PPP6C: variants seen among roughly 807,000 people sequenced by gnomAD.
PPP6C encodes the protein protein phosphatase 6 catalytic subunit, also known as serine/threonine-protein phosphatase 6 catalytic subunit.
Under a neutral mutation model 39.8 loss-of-function variants are expected in PPP6C, and 11 were observed. The observed-to-expected ratio is 0.28, with a 90% CI of 0.17 to 0.46. The LOEUF is 0.46. Among genes scored for constraint, PPP6C ranks in the 20% least tolerant of loss-of-function variants. The probability of loss-of-function intolerance (pLI) is 1.00; values close to 1 mark genes in which losing one functional copy is unlikely to be tolerated. For synonymous variants in PPP6C, 129 were observed against 130.3 expected, an observed-to-expected ratio of 0.99 and a Z score of 0.07; for missense variants, 211 against 373.9, an observed-to-expected ratio of 0.56 and a Z score of 3.59.
chr9:125,164,146 T>A (rs535154208), intron 2 of PPP6C, among the ~76,000 whole-genome samples: 13 of 150,250 alleles, frequency 8.7e-5, no homozygotes, highest in African/African-American at 2.4e-4. Flanking sequence ...CCTATTTTCA[T>A]CCTACATTAC....
chr9:125,186,159 C>T (rs1177259594), intron 1 of PPP6C, among the ~76,000 whole-genome samples: 1 of 152,032 alleles, frequency 6.6e-6, no homozygotes, highest in Non-Finnish European at 1.5e-5. Flanking sequence ...TCTTTTCCAT[C>T]TTGCTCATTA....
chr9:125,187,095 T>C (rs897652643), intron 1 of PPP6C, among the ~76,000 whole-genome samples: 1 of 150,788 alleles, frequency 6.6e-6, no homozygotes, highest in Non-Finnish European at 1.5e-5. Context: ...TCCAAGCACC[T>C]GCCACCACCT....
chr9:125,167,518 A>G (rs1160999796), intron 2 of PPP6C, among the ~76,000 whole-genome samples: 4 of 150,356 alleles, frequency 2.7e-5, no homozygotes, highest in Non-Finnish European at 4.4e-5. Flanking sequence ...CCTCAGCAAC[A>G]TGGAAAAACC....
chr9:125,171,834 G>A (rs1017733594), intron 1 of PPP6C: 24 of 452,710 alleles, frequency 5.3e-5, no homozygotes, highest in Admixed American at 5.2e-4. Flanking sequence ...GATTACAGGC[G>A]TCAGCCACCG....
chr9:125,175,347 T>C (rs749901511), intron 1 of PPP6C, among the ~76,000 whole-genome samples: 1 of 151,032 alleles, frequency 6.6e-6, no homozygotes, highest in Non-Finnish European at 1.5e-5. Context: ...CATTAGAAAT[T>C]ACCTACGCCG....
chr9:125,171,175 TA>T lies in PPP6C; in HGVS notation c.80del (p.Leu27HisfsTer10). ...KYLPENDLKRLCDYVCDLLLE... is the reference protein window; with the variant it reads ...KYLPENDLKRXCDYVCDLLLE... Reference sequence around the variant, plus strand: ...AGAGGAGGTCACAAACGTAGTCACATAGCCGCTATAAAAAGAGAAAATAAAA... The same window carrying T: ...AGAGGAGGTCACAAACGTAGTCACATGCCGCTATAAAAAGAGAAAATAAAA... On this transcript the variant is annotated frameshift_variant, in exon 2 of 7. Coordinates refer to ENST00000373547, the MANE Select transcript of PPP6C (RefSeq NM_002721.5). LOFTEE classifies it high-confidence loss of function. 1 of 1,573,292 alleles carries T rather than the reference TA, an allele frequency of 6.4e-7. No individual in the cohort carries two copies. The highest frequency in any genetic ancestry group is 8.7e-7 in the Non-Finnish European group (1 of 1,154,192).
At chr9:125,184,771 G>A (rs1233661648) in intron 1 of PPP6C, among the ~76,000 whole-genome samples, 1 of 151,804 alleles carries the variant, frequency 6.6e-6, no homozygotes, top group Non-Finnish European at 1.5e-5. Context: ...CCAGAAGTTC[G>A]AGACCAGCCT....
chr9:125,186,612 TG>T (rs1829535058), intron 1 of PPP6C, among the ~76,000 whole-genome samples: 1 of 151,670 alleles, frequency 6.6e-6, no homozygotes, highest in Non-Finnish European at 1.5e-5. Flanking sequence ...TAGCTGGTCA[TG>T]GGGGCATGTG....
At position 125,167,099 on chromosome 9, in the gene PPP6C, G is replaced by A. The variant is rs975745665; in HGVS notation, c.171+3986C>T. On this transcript the variant is annotated intron_variant, in intron 2 of 6. Transcript: ENST00000373547. ...TCTTTTTAATATTTTTAGAGATGGGGGCCAGGTGCAGCGGCTCACACCTGT... is the reference window on the plus strand; with the variant it reads ...TCTTTTTAATATTTTTAGAGATGGGAGCCAGGTGCAGCGGCTCACACCTGT... Among the ~76,000 whole-genome samples, 17 of 151,776 alleles carry A rather than the reference G, an allele frequency of 1.1e-4. No homozygotes were observed. In the East Asian group the frequency reaches 3.3e-3, roughly 30 times the overall value.
chr9:125,158,196 G>T, intron 4 of PPP6C, 45 bp downstream of exon 4: 1 of 1,539,170 alleles, frequency 6.5e-7, no homozygotes, highest in Non-Finnish European at 8.9e-7. Flanking sequence ...TTTCCAAAGA[G>T]GAAAGTAAAA....
chr9:125,185,810 C>A (rs1829517570), intron 1 of PPP6C, among the ~76,000 whole-genome samples: 1 of 151,774 alleles, frequency 6.6e-6, no homozygotes, highest in Non-Finnish European at 1.5e-5. Flanking sequence ...CATGGGGAAA[C>A]CTGGTCTCTA....
At chr9:125,175,156 A>G (rs1049939825) in intron 1 of PPP6C, among the ~76,000 whole-genome samples, 3 of 151,626 alleles carry the variant, frequency 2.0e-5, no homozygotes, top group Admixed American at 2.0e-4. Flanking sequence ...GCAGTGAGCC[A>G]AGATCACGCC....
intron 6 of PPP6C, chr9:125,151,574 A>T: frequency 1.3e-6 from 1 of 794,604 alleles, no homozygotes; most frequent in Non-Finnish European, 2.3e-6. Flanking sequence ...TTACCTATTC[A>T]GTCATGTCCC....
At chr9:125,170,288 G>C (rs1208427890) in intron 2 of PPP6C, among the ~76,000 whole-genome samples, 2 of 151,128 alleles carry the variant, frequency 1.3e-5, no homozygotes, top group African/African-American at 4.9e-5. Context: ...CCAGGCTGGA[G>C]TGCAGTGGTG....
At chr9:125,178,157 G>C (rs12001897) in intron 1 of PPP6C, among the ~76,000 whole-genome samples, 5,085 of 152,228 alleles carry the variant, frequency 0.033, 248 homozygotes, top group African/African-American at 0.11. Flanking sequence ...CAACTCATTT[G>C]GGTAAATATC....
intron 2 of PPP6C, among the ~76,000 whole-genome samples, chr9:125,162,266 T>C (rs1468360745): frequency 1.3e-5 from 2 of 151,834 alleles, no homozygotes; most frequent in Non-Finnish European, 2.9e-5. Flanking sequence ...AAGACCAGCT[T>C]AGCCAATGTG....
chr9:125,162,081 A>T (rs945845866), intron 2 of PPP6C, among the ~76,000 whole-genome samples: 1 of 151,508 alleles, frequency 6.6e-6, no homozygotes, highest in Non-Finnish European at 1.5e-5. Context: ...ATAAGTCTAA[A>T]AAGTCAGACA....
intron 1 of PPP6C, among the ~76,000 whole-genome samples, chr9:125,185,979 A>G (rs1027124782): frequency 2.0e-5 from 3 of 152,048 alleles, no homozygotes; most frequent in African/African-American, 7.3e-5. Flanking sequence ...GAGCGAACAA[A>G]CAAACAAAAA....
intron 1 of PPP6C, among the ~76,000 whole-genome samples, chr9:125,181,164 A>G (rs1410603201): frequency 6.6e-6 from 1 of 152,058 alleles, no homozygotes; most frequent in East Asian, 1.9e-4. Context: ...GACTCAATCA[A>G]CTACACTCAC....
Sources: gnomAD v4.1 joint callset for allele counts (sites outside exome capture counted in the v4.1 genomes callset) on GRCh38, gnomAD v4.1.1 for gene constraint, MANE v1.5 for transcripts, NCBI Gene and HGNC (gene_info 2026-07-23, HGNC 2026-07-21) for gene names.